The following ADAMTS6 variants were observed in gnomAD, a reference collection of about 807,000 sequenced individuals.
The protein encoded by ADAMTS6 is A disintegrin and metalloproteinase with thrombospondin motifs 6.
ADAMTS6 carries 23 observed loss-of-function variants against 144.3 expected under a neutral mutation model. That is an observed-to-expected ratio of 0.16 (90% CI 0.11 to 0.23). The LOEUF is 0.23. Among genes scored for constraint, ADAMTS6 ranks in the 10% least tolerant of loss-of-function variants. ADAMTS6 has a pLI of 1.00. For missense variants in ADAMTS6, 999 were observed against 1,379.6 expected, an observed-to-expected ratio of 0.72 and a Z score of 4.37; for synonymous variants, 444 against 457.5, an observed-to-expected ratio of 0.97 and a Z score of 0.38.
intron 7 of ADAMTS6, among the ~76,000 whole-genome samples, chr5:65,357,204 T>C (rs1749398643): frequency 6.6e-6 from 1 of 151,820 alleles, no homozygotes. Flanking sequence ...AACACACCCC[T>C]GAACCACCAA....
At chr5:65,265,504 A>C (rs116746772) in intron 12 of ADAMTS6, among the ~76,000 whole-genome samples, 3,861 of 152,096 alleles carry the variant, frequency 0.025, 169 homozygotes, top group African/African-American at 0.088. Flanking sequence ...TGTGTGTAAA[A>C]ATATTTATGT....
Position 65,163,663 on chromosome 5 carries a change from A to C in ADAMTS6, c.3244+6954T>G, listed in dbSNP as rs2112017244. On this transcript the variant is annotated intron_variant, in intron 24 of 24. Transcript: ENST00000381055. ...TTATAAACATATAGTTTTCACTTGAAAAATATTAACAAATTATTTGACTAT... is the reference window on the plus strand; with the variant it reads ...TTATAAACATATAGTTTTCACTTGACAAATATTAACAAATTATTTGACTAT... Among the ~76,000 whole-genome samples, 3 of 152,356 alleles carry C rather than the reference A, an allele frequency of 2.0e-5. No homozygotes were observed. In the South Asian group the frequency reaches 6.2e-4, roughly 32 times the overall value.
chr5:65,214,900 C>T lies in ADAMTS6; in HGVS notation c.2469G>A (p.Arg823=), dbSNP rs747534573. Residue 823 remains arginine, a synonymous_variant, in exon 20 of 25, where the codon AGG becomes AGA. Coordinates refer to ENST00000381055, the MANE Select transcript of ADAMTS6 (RefSeq NM_197941.4). The surrounding 1 kb of genome is among the most constrained non-coding windows in gnomAD (Gnocchi z 4.6). The stretch of plus-strand genomic sequence containing the variant: ...GAGTGATGGGAACATTGAACTTATA[C>T]CTAATTCCCAAATTCTGTTCTTGAA... ...VLLQEQNLGI[R]YKFNVPITRT... is the part of the protein sequence containing the mutation. 3.7e-6 allele frequency: 6 copies of T among 1,613,916 alleles called. No individual in the cohort carries two copies. The Admixed American group carries it at 6.7e-5, about 18-fold the overall frequency.
chr5:65,463,771 C>G (rs1001970555), intron 3 of ADAMTS6, among the ~76,000 whole-genome samples: 2 of 152,190 alleles, frequency 1.3e-5, no homozygotes, highest in Non-Finnish European at 2.9e-5. Flanking sequence ...TCCTCTACCA[C>G]CAGCTTCATC....
intron 24 of ADAMTS6, among the ~76,000 whole-genome samples, chr5:65,167,317 C>T (rs1165687768): frequency 6.6e-6 from 1 of 152,172 alleles, no homozygotes; most frequent in African/African-American, 2.4e-5. Flanking sequence ...CATACACCCT[C>T]CCAAGACTAA....
At chr5:65,337,589 T>C (rs1747423270) in intron 7 of ADAMTS6, among the ~76,000 whole-genome samples, 2 of 152,176 alleles carry the variant, frequency 1.3e-5, no homozygotes, top group South Asian at 4.1e-4. Flanking sequence ...AGGCCAAATA[T>C]GAACCAGCTT....
chr5:65,350,815 G>A (rs548599295), intron 7 of ADAMTS6, among the ~76,000 whole-genome samples: 23 of 151,964 alleles, frequency 1.5e-4, no homozygotes, highest in African/African-American at 5.5e-4. Context: ...AACCAGGCCC[G>A]GCCAATTTTT....
chr5:65,257,467 CCT>C (rs1490919402), intron 14 of ADAMTS6, among the ~76,000 whole-genome samples: 1 of 151,866 alleles, frequency 6.6e-6, no homozygotes, highest in African/African-American at 2.4e-5. Flanking sequence ...TAATTTATTC[CCT>C]GTTAGCCCTC....
At chr5:65,288,922 CT>C (rs1742014673) in intron 11 of ADAMTS6, among the ~76,000 whole-genome samples, 1 of 152,108 alleles carries the variant, frequency 6.6e-6, no homozygotes, top group African/African-American at 2.4e-5. Flanking sequence ...TGTTTAAAAC[CT>C]TAGGGATTCA....
chr5:65,212,031 T>C (rs1756566587), intron 20 of ADAMTS6, among the ~76,000 whole-genome samples: 1 of 152,130 alleles, frequency 6.6e-6, no homozygotes, highest in Non-Finnish European at 1.5e-5. Context: ...AGACCAGTGG[T>C]ACACAAACTT....
At chr5:65,169,584 C>G (rs1753463751) in intron 24 of ADAMTS6, among the ~76,000 whole-genome samples, 1 of 146,038 alleles carries the variant, frequency 6.8e-6, no homozygotes, top group African/African-American at 2.7e-5. Context: ...GACACATGCA[C>G]ACGTATGTTT....
intron 13 of ADAMTS6, among the ~76,000 whole-genome samples, chr5:65,262,148 G>A (rs917764167): frequency 2.0e-5 from 3 of 152,154 alleles, no homozygotes; most frequent in Admixed American, 1.3e-4. Flanking sequence ...TGGTAGGAGG[G>A]AGAAGCAACA....
intron 7 of ADAMTS6, among the ~76,000 whole-genome samples, chr5:65,398,805 AAAGAAAGAAAG>A (rs746691438): frequency 0.017 from 1,934 of 114,702 alleles, 51 homozygotes; most frequent in African/African-American, 0.026. Context: ...AGAAAGAAAG[AAAGAAAGAAAG>A]AAAGAAAGAA....
chr5:65,240,291 C>G lies in ADAMTS6; in HGVS notation c.1933+1813G>C, dbSNP rs138022970. Among the ~76,000 whole-genome samples, 716 of 152,052 alleles carry G rather than the reference C, an allele frequency of 4.7e-3. 2 individuals carry two copies. The highest frequency in any genetic ancestry group is 0.016 in the African/African-American group (671 of 41,486). On this transcript the variant is annotated intron_variant, in intron 15 of 24. Coordinates refer to ENST00000381055, the MANE Select transcript of ADAMTS6 (RefSeq NM_197941.4). ...GGCTAGAGTGAACCACTTCTATATACAGCAATGTAGATAGATCTCAAAAAC... is the reference window on the plus strand; with the variant it reads ...GGCTAGAGTGAACCACTTCTATATAGAGCAATGTAGATAGATCTCAAAAAC...
In ADAMTS6 at chr5:65,256,990, T is replaced by C. The variant is rs1465304151; in HGVS notation, c.1830+3610A>G. Among the ~76,000 whole-genome samples the C allele has an allele frequency of 6.7e-3, 951 of 141,866 alleles. 3 individuals carry two copies. Among genetic ancestry groups the C allele is most frequent in the East Asian group, 0.013 (62 of 4,892 alleles). The allele number at this position is 141,866 out of a possible 152,430, so 93.1% of individuals were successfully genotyped here. On this transcript the variant is annotated intron_variant, in intron 14 of 24. Transcript: ENST00000381055. ...CTCTCTCTCTCTCTCTCTCTCTTTTTTTTTTTTTTTTTTTTTTTTGCTTAA... is the reference window on the plus strand; with the variant it reads ...CTCTCTCTCTCTCTCTCTCTCTTTTCTTTTTTTTTTTTTTTTTTTGCTTAA...
intron 23 of ADAMTS6, among the ~76,000 whole-genome samples, chr5:65,171,301 G>A (rs567069993): frequency 4.6e-5 from 7 of 152,064 alleles, no homozygotes; most frequent in East Asian, 3.9e-4. Context: ...GAGCCATCGC[G>A]CCTGGCCACA....
chr5:65,242,816 A>G (rs1042307057), intron 14 of ADAMTS6, among the ~76,000 whole-genome samples: 18 of 152,170 alleles, frequency 1.2e-4, no homozygotes, highest in African/African-American at 3.9e-4. Context: ...AACATCACAG[A>G]AAATAAAATA....
chr5:65,398,097 C>G (rs1753508693), intron 7 of ADAMTS6, among the ~76,000 whole-genome samples: 1 of 152,060 alleles, frequency 6.6e-6, no homozygotes, highest in South Asian at 2.1e-4. Flanking sequence ...AATATATATT[C>G]TGCTGTTATT....
At chr5:65,215,180 G>A (rs1245484652) in intron 19 of ADAMTS6, 144 bp downstream of exon 19, 14 of 1,073,480 alleles carry the variant, frequency 1.3e-5, no homozygotes, top group Non-Finnish European at 1.3e-5. Context: ...ACTCTGCACA[G>A]CTCTAACACC....
Sources: gnomAD v4.1 joint callset for allele counts (sites outside exome capture counted in the v4.1 genomes callset) on GRCh38, gnomAD v4.1.1 for gene constraint, Gnocchi (gnomAD v3.1) non-coding constraint, MANE v1.5 for transcripts, NCBI Gene and HGNC (gene_info 2026-07-23, HGNC 2026-07-21) for gene names.